Variants in UNC45A observed in about 807,000 individuals in gnomAD.
UNC45A encodes protein unc-45 homolog A.
In UNC45A, 78 loss-of-function variants were observed where a neutral mutation model predicts 103.2. The ratio of observed to expected loss-of-function variants is 0.76; its 90% CI spans 0.63 to 0.91. The LOEUF (loss-of-function observed/expected upper bound fraction) is 0.91. Among genes scored for constraint, UNC45A ranks in the 40% least tolerant of loss-of-function variants. The pLI, the probability that UNC45A is intolerant of heterozygous loss-of-function variation, is 0.00. For missense variants in UNC45A, 1,193 were observed against 1,224.8 expected, an observed-to-expected ratio of 0.97 and a Z score of 0.39; for synonymous variants, 495 against 504.6, an observed-to-expected ratio of 0.98 and a Z score of 0.25.
intron 6 of UNC45A, 105 bp downstream of exon 6, chr15:90,940,578 C>T (rs2036243432): frequency 7.0e-7 from 1 of 1,419,118 alleles, no homozygotes; most frequent in African/African-American, 1.4e-5. Context: ...CCCGTCCATC[C>T]ATCCATCCAC....
intron 17 of UNC45A, among the ~76,000 whole-genome samples, chr15:90,951,553 A>T (rs1368247062): frequency 6.6e-6 from 1 of 151,792 alleles, no homozygotes; most frequent in Non-Finnish European, 1.5e-5. Flanking sequence ...ACTGGAGCCC[A>T]GAAGTTCAGG....
chr15:90,932,106 C>CA, upstream of UNC45A: 1 of 1,594,614 alleles, frequency 6.3e-7, no homozygotes, highest in African/African-American at 1.3e-5. Flanking sequence ...GGATCCGTGC[C>CA]ACACCTGACG....
Position 90,950,252 on chromosome 15 carries a change from C to A in UNC45A, c.2172C>A (p.Thr724=), listed in dbSNP as rs1479004247. The change falls in exon 16 of 20, where the codon ACC becomes ACA. Residue 724 remains threonine, a synonymous_variant. Coordinates refer to ENST00000418476, the MANE Select transcript of UNC45A (RefSeq NM_018671.5). ...KLTITSNPEM[T]FPGERIYEVV... Reference sequence around the variant, plus strand: ...CCATCACCTCCAACCCGGAGATGACCTTCCCTGGCGAGCGGGTACGTGTCT... The same window carrying A: ...CCATCACCTCCAACCCGGAGATGACATTCCCTGGCGAGCGGGTACGTGTCT... 6.4e-7 allele frequency: 1 copy of A among 1,551,768 alleles called. No homozygotes were observed. Among genetic ancestry groups the A allele is most frequent in the Non-Finnish European group, 8.7e-7 (1 of 1,146,992 alleles).
upstream of UNC45A, chr15:90,932,029 T>A (rs1358067574): frequency 5.0e-6 from 8 of 1,613,940 alleles, no homozygotes; most frequent in Non-Finnish European, 6.8e-6. Context: ...CATCCCAGGC[T>A]CCTGGCAGAG....
rs750218369 is a variant in UNC45A at position 90,939,831 on chromosome 15, C to T, written c.519+8C>T. On this transcript the variant is annotated splice_region_variant and intron_variant, in intron 5 of 19. Transcript: ENST00000418476. Reference sequence around the variant, plus strand: ...ACTGAGAAAAAGCAAAAGGTATAGGCCCTGGGCTGAGTCAGTGAGTGAGCT... The same window carrying T: ...ACTGAGAAAAAGCAAAAGGTATAGGTCCTGGGCTGAGTCAGTGAGTGAGCT... 3 of 1,613,298 alleles carry T rather than the reference C, an allele frequency of 1.9e-6. No homozygotes were observed. The African/African-American group carries it at 4.0e-5, about 22-fold the overall frequency.
intron 9 of UNC45A, among the ~76,000 whole-genome samples, chr15:90,945,739 TCTC>T (rs1330788981): frequency 6.6e-6 from 1 of 151,372 alleles, no homozygotes; most frequent in Non-Finnish European, 1.5e-5. Flanking sequence ...TTCAAGCAAT[TCTC>T]CTGCCTCAGC....
At chr15:90,931,308 C>T (rs1330356623), upstream of UNC45A, 1 of 1,551,152 alleles carries the variant, frequency 6.4e-7, no homozygotes, top group South Asian at 1.2e-5. Context: ...TGAACAGATG[C>T]TTTAGAGCCT....
upstream of UNC45A, chr15:90,932,536 C>A: frequency 4.0e-6 from 5 of 1,264,764 alleles, no homozygotes; most frequent in Non-Finnish European, 5.0e-6. Context: ...CGCCTCAGAG[C>A]CCATCGCGCG....
At position 90,953,361 on chromosome 15, in the gene UNC45A, C is replaced by T. The variant is rs2037038766; in HGVS notation, c.2577+51C>T. 2.5e-6 allele frequency: 4 copies of T among 1,592,602 alleles called. No homozygotes were observed. The African/African-American group carries it at 4.0e-5, about 16-fold the overall frequency. On this transcript the variant is annotated intron_variant, in intron 19 of 19. Transcript: ENST00000418476. ...GGAGGGACGGACCAGGAACTCCCAG[C>T]AGCAGCTGAAGGGGGCAGTCCTAGG...
chr15:90,951,287 G>A (rs1359993233), intron 17 of UNC45A, among the ~76,000 whole-genome samples: 1 of 152,234 alleles, frequency 6.6e-6, no homozygotes, highest in Middle Eastern at 3.2e-3. Flanking sequence ...TTACAGGTGT[G>A]AGCCACTGCA....
chr15:90,935,888 G>T, intron 2 of UNC45A, 58 bp from the exon 3 acceptor site: 1 of 1,612,082 alleles, frequency 6.2e-7, no homozygotes, highest in East Asian at 2.2e-5. Context: ...CCTGCTGCCT[G>T]GTTAGTGCCC....
chr15:90,949,811 A>T, intron 15 of UNC45A, 91 bp downstream of exon 15: 9 of 1,344,128 alleles, frequency 6.7e-6, no homozygotes, highest in Non-Finnish European at 9.6e-6. Context: ...TGGGTGTTAG[A>T]TATGGAACAG....
upstream of UNC45A, chr15:90,931,096 G>T: frequency 1.5e-6 from 1 of 663,008 alleles, no homozygotes; most frequent in Non-Finnish European, 2.5e-6. Context: ...TTCCCACCAC[G>T]CGGGGCTCAG....
chr15:90,941,972 A>G (rs1180575870), intron 6 of UNC45A, among the ~76,000 whole-genome samples: 3 of 151,618 alleles, frequency 2.0e-5, no homozygotes, highest in African/African-American at 4.8e-5. Context: ...AAAAAAAAAA[A>G]AAAAGAAAAA....
chr15:90,946,526 A>G lies in UNC45A; in HGVS notation c.1200-88A>G. ...CCTGCTGTTTCTGCCCAAGTAGTGC[A>G]GGTGCCTGGCCAGTGGAGGGGAAGG... is the stretch of plus-strand genomic sequence containing the variant. On this transcript the variant is annotated intron_variant, in intron 9 of 19. Coordinates refer to ENST00000418476, the MANE Select transcript of UNC45A (RefSeq NM_018671.5). 5 of 1,412,858 alleles carry G rather than the reference A, an allele frequency of 3.5e-6. No individual in the cohort carries two copies. The South Asian group carries it at 4.2e-5, about 12-fold the overall frequency. The allele number at this position is 1,412,858 out of a possible 1,614,324, so 87.5% of individuals were successfully genotyped here.
intron 6 of UNC45A, 61 bp downstream of exon 6, chr15:90,940,534 C>T: frequency 6.4e-7 from 1 of 1,551,986 alleles, no homozygotes; most frequent in South Asian, 1.2e-5. Flanking sequence ...TCCATCCATT[C>T]CTCCATCCAC....
upstream of UNC45A, chr15:90,933,859 A>G: frequency 2.5e-6 from 1 of 393,322 alleles, no homozygotes; most frequent in Admixed American, 4.4e-5. Flanking sequence ...CCAACAGGAG[A>G]CAGAAACCCA....
Position 90,942,357 on chromosome 15 carries a change from C to G in UNC45A, c.688-80C>G, listed in dbSNP as rs76356407. On this transcript the variant is annotated intron_variant, in intron 6 of 19. Transcript: ENST00000418476. ...CCCAATTCTCTCCTTCTGGCCGTAT[C>G]CTCTAACTCACAGTTAGGGATCTCT... 326 of 1,491,928 alleles carry G rather than the reference C, an allele frequency of 2.2e-4. No individual in the cohort carries two copies. The African/African-American group carries it at 4.2e-3, about 19-fold the overall frequency. The allele number at this position is 1,491,928 out of a possible 1,614,324, so 92.4% of individuals were successfully genotyped here. A position where few individuals can be genotyped will look rare whatever the true frequency, so the allele number is the denominator to read the frequency against.
chr15:90,949,265 T>A (rs762392991), intron 13 of UNC45A, 51 bp from the exon 14 acceptor site: 3 of 1,579,496 alleles, frequency 1.9e-6, no homozygotes, highest in Non-Finnish European at 2.6e-6. Flanking sequence ...AGGGTCCCCC[T>A]TTCTCTGTGA....
Sources: allele counts gnomAD v4.1 joint callset (sites outside exome capture counted in the v4.1 genomes callset), GRCh38; gene constraint gnomAD v4.1.1; transcripts MANE v1.5; gene names NCBI Gene and HGNC (gene_info 2026-07-23, HGNC 2026-07-21).